The following POC5 variants were observed in gnomAD, a reference collection of about 807,000 sequenced individuals.
POC5 encodes POC5 centriolar protein.
A neutral mutation model predicts 62.9 loss-of-function variants in POC5; 48 were observed. The observed-to-expected ratio is 0.76, with a 90% CI of 0.61 to 0.97. POC5 has a LOEUF of 0.97. POC5 is among the 50% of genes least tolerant of loss of function. POC5 has a pLI of 0.00. For synonymous variants in POC5, 236 were observed against 228.2 expected, an observed-to-expected ratio of 1.03 and a Z score of -0.31; for missense variants, 696 against 679.5, an observed-to-expected ratio of 1.02 and a Z score of -0.27.
At chr5:75,680,716 T>C (rs1775836788) in intron 10 of POC5, among the ~76,000 whole-genome samples, 1 of 152,140 alleles carries the variant, frequency 6.6e-6, no homozygotes, top group African/African-American at 2.4e-5. Flanking sequence ...AAGAAAAACC[T>C]AGAAGGATTC....
chr5:75,715,969 G>T (rs1742513323), intron 1 of POC5, among the ~76,000 whole-genome samples: 1 of 152,222 alleles, frequency 6.6e-6, no homozygotes, highest in Non-Finnish European at 1.5e-5. Context: ...AGAATTTGGA[G>T]ATTAGGAGGT....
At chr5:75,680,583 GTTTA>G (rs1020370065) in intron 10 of POC5, among the ~76,000 whole-genome samples, 1 of 152,008 alleles carries the variant, frequency 6.6e-6, no homozygotes, top group Non-Finnish European at 1.5e-5. Flanking sequence ...ACTTGTTAAT[GTTTA>G]TTTAATGTAT....
intron 9 of POC5, 44 bp from the exon 10 acceptor site, chr5:75,685,528 G>T (rs1776069415): frequency 1.3e-6 from 2 of 1,557,694 alleles, no homozygotes; most frequent in South Asian, 2.4e-5. Context: ...TCCAGGTTAG[G>T]ACTACTATTA....
intron 8 of POC5, chr5:75,689,378 G>A (rs1240874946): frequency 1.0e-6 from 1 of 984,996 alleles, no homozygotes. Flanking sequence ...TTAAAATCAA[G>A]GTTCAAACAA....
intron 5 of POC5, 107 bp downstream of exon 5, chr5:75,702,498 A>G: frequency 1.8e-6 from 2 of 1,101,474 alleles, no homozygotes; most frequent in Non-Finnish European, 2.6e-6. Flanking sequence ...TCAGGAAACA[A>G]AAGATTTTTA....
chr5:75,675,234 A>G (rs751945153), intron 11 of POC5, among the ~76,000 whole-genome samples: 1 of 150,510 alleles, frequency 6.6e-6, no homozygotes, highest in Non-Finnish European at 1.5e-5. Context: ...AGTACACACT[A>G]TGTATACAAG....
At chr5:75,706,431 C>T (rs1777123298) in intron 3 of POC5, among the ~76,000 whole-genome samples, 3 of 152,114 alleles carry the variant, frequency 2.0e-5, no homozygotes, top group East Asian at 1.9e-4. Context: ...TACTATATAA[C>T]GTATGTTTTA....
At chr5:75,710,457 T>C (rs1028988148) in intron 2 of POC5, among the ~76,000 whole-genome samples, 5 of 152,124 alleles carry the variant, frequency 3.3e-5, no homozygotes, top group African/African-American at 4.8e-5. Context: ...AGGTCATTGG[T>C]TGGGGCCCTG....
intron 11 of POC5, among the ~76,000 whole-genome samples, chr5:75,676,682 G>T (rs2193989): frequency 0.28 from 43,221 of 151,772 alleles, 7,908 homozygotes; most frequent in African/African-American, 0.51. Context: ...ATCAGCTGGG[G>T]GTGGTGGCGG....
chr5:75,698,424 C>T (rs1006673999), intron 5 of POC5, among the ~76,000 whole-genome samples: 67 of 151,798 alleles, frequency 4.4e-4, no homozygotes, highest in Admixed American at 2.8e-3. Context: ...CACTCAAAAC[C>T]GCTCAACTGC....
In POC5 at chr5:75,694,738, G is replaced by T; in HGVS notation, c.607C>A (p.His203Asn). ...MRKEKEKHAA[H>N]LKQLCNQINE... ...ATCTGATTACACAGTTGTTTTAAATGTGCTGCATGTTTTTCTTTCTCTTTT... is the reference window on the plus strand; with the variant it reads ...ATCTGATTACACAGTTGTTTTAAATTTGCTGCATGTTTTTCTTTCTCTTTT... Residue 203 changes from histidine to asparagine, a missense_variant, in exon 6 of 12, where the codon CAT becomes AAT. Physicochemically the swap from His to Asn is moderately conservative, Grantham distance 68. Coordinates refer to ENST00000428202, the MANE Select transcript of POC5 (RefSeq NM_001099271.2). 1 of 1,601,318 alleles carries T rather than the reference G, an allele frequency of 6.2e-7. No individual in the cohort carries two copies. The highest frequency in any genetic ancestry group is 1.3e-5 in the African/African-American group (1 of 74,696).
At chr5:75,701,627 G>A (rs914732982) in intron 5 of POC5, among the ~76,000 whole-genome samples, 3 of 149,020 alleles carry the variant, frequency 2.0e-5, no homozygotes, top group Non-Finnish European at 4.5e-5. Context: ...GCTAGATGAT[G>A]AGTTAGTGGG....
intron 5 of POC5, among the ~76,000 whole-genome samples, chr5:75,699,964 C>G (rs1776795294): frequency 6.6e-6 from 1 of 151,994 alleles, no homozygotes; most frequent in Non-Finnish European, 1.5e-5. Context: ...AACTCCCATT[C>G]ATAATTGCTT....
chr5:75,699,752 C>G (rs1776782939), intron 5 of POC5, among the ~76,000 whole-genome samples: 1 of 146,432 alleles, frequency 6.8e-6, no homozygotes, highest in African/African-American at 2.5e-5. Flanking sequence ...AAAGGGTATT[C>G]AATTAGGAAA....
intron 2 of POC5, among the ~76,000 whole-genome samples, chr5:75,711,614 C>T (rs1777346704): frequency 6.6e-6 from 1 of 151,916 alleles, no homozygotes. Context: ...TTTTGAAGTG[C>T]TTCCAGTAGT....
chr5:75,676,846 A>T (rs2335801), intron 11 of POC5, among the ~76,000 whole-genome samples: 2 of 80,208 alleles, frequency 2.5e-5, no homozygotes, highest in African/African-American at 9.7e-5. Context: ...AATAAATAAA[A>T]AATAAATAAA....
At chr5:75,676,783 T>C (rs992757078) in intron 11 of POC5, among the ~76,000 whole-genome samples, 25 of 151,504 alleles carry the variant, frequency 1.7e-4, no homozygotes, top group Non-Finnish European at 4.4e-5. Flanking sequence ...CATTGCGCCA[T>C]TGCACTCTAT....
intron 11 of POC5, among the ~76,000 whole-genome samples, chr5:75,677,163 T>C (rs1158556034): frequency 6.6e-6 from 1 of 152,248 alleles, no homozygotes; most frequent in Non-Finnish European, 1.5e-5. Context: ...TCAAATATTT[T>C]ACTTGATTTG....
chr5:75,698,780 C>G (rs1415362285), intron 5 of POC5, among the ~76,000 whole-genome samples: 2 of 151,916 alleles, frequency 1.3e-5, no homozygotes, highest in Non-Finnish European at 2.9e-5. Context: ...AATCCAGGAG[C>G]TGGTTTTTTG....
Sources: allele counts gnomAD v4.1 joint callset (sites outside exome capture counted in the v4.1 genomes callset), GRCh38; gene constraint gnomAD v4.1.1; transcripts MANE v1.5; gene names NCBI Gene and HGNC (gene_info 2026-07-23, HGNC 2026-07-21).